Variants in ARHGAP39 observed in about 807,000 individuals in gnomAD.
ARHGAP39 encodes Rho GTPase activating protein 39.
In ARHGAP39, 44 loss-of-function variants were observed where a neutral mutation model predicts 106.9. The ratio of observed to expected loss-of-function variants is 0.41; its 90% CI spans 0.32 to 0.53. ARHGAP39 has a LOEUF of 0.53. Among genes scored for constraint, ARHGAP39 ranks in the 20% least tolerant of loss-of-function variants. ARHGAP39 has a pLI of 0.21. For missense variants in ARHGAP39, 1,496 were observed against 1,577.3 expected, an observed-to-expected ratio of 0.95 and a Z score of 0.87; for synonymous variants, 768 against 693.2, an observed-to-expected ratio of 1.11 and a Z score of -1.69.
rs559374796 is a variant in ARHGAP39, at chr8:144,543,547, C to T, written c.2521+1702G>A. On this transcript the variant is annotated intron_variant, in intron 6 of 11. Coordinates refer to ENST00000377307, the MANE Select transcript of ARHGAP39 (RefSeq NM_025251.3). ...CTGCCAGTGGGACTGCACAGAGCCC[C>T]AGCCCCGCTGTCACTCCAACCCAGA... 2.6e-5 allele frequency among the ~76,000 whole-genome samples: 4 copies of T among 152,356 alleles called. No individual in the cohort carries two copies. The South Asian group carries it at 6.2e-4, about 24-fold the overall frequency.
intron 1 of ARHGAP39, among the ~76,000 whole-genome samples, chr8:144,650,513 A>G (rs1226443394): frequency 6.6e-6 from 1 of 152,172 alleles, no homozygotes; most frequent in Non-Finnish European, 1.5e-5. Flanking sequence ...TCAAAAAAAT[A>G]CTTGCAAACT....
At chr8:144,673,019 C>A (rs1822138422) in intron 1 of ARHGAP39, among the ~76,000 whole-genome samples, 1 of 152,036 alleles carries the variant, frequency 6.6e-6, no homozygotes, top group Non-Finnish European at 1.5e-5. Flanking sequence ...GAGTTCAAAA[C>A]CAGTCTGGGT....
intron 3 of ARHGAP39, among the ~76,000 whole-genome samples, chr8:144,580,490 A>C (rs1461631627): frequency 1.3e-5 from 2 of 152,198 alleles, no homozygotes; most frequent in African/African-American, 4.8e-5. Flanking sequence ...GAAAGTGCTC[A>C]CTGGGGACAG....
chr8:144,660,409 TG>T (rs1443934866), intron 1 of ARHGAP39, among the ~76,000 whole-genome samples: 2 of 152,212 alleles, frequency 1.3e-5, no homozygotes, highest in Admixed American at 1.3e-4. Flanking sequence ...ACTTTCATCG[TG>T]ATAAGCATTC....
In ARHGAP39 at chr8:144,673,131, C is replaced by T. The variant is rs142011162; in HGVS notation, c.-82+12555G>A. On this transcript the variant is annotated intron_variant, in intron 1 of 11. Coordinates refer to ENST00000377307, the MANE Select transcript of ARHGAP39 (RefSeq NM_025251.3). ...ACTTGGGAGGCTGAGGCAGGAGGAT[C>T]GCTTGAGCCCAGGAGGTCAAAGATA... Among the ~76,000 whole-genome samples, 1,394 of 152,066 alleles carry T rather than the reference C, an allele frequency of 9.2e-3. 14 individuals carry two copies. Among genetic ancestry groups the T allele is most frequent in the South Asian group, 0.031 (150 of 4,818 alleles).
chr8:144,562,083 C>G (rs1818198676), intron 3 of ARHGAP39, among the ~76,000 whole-genome samples: 1 of 149,292 alleles, frequency 6.7e-6, no homozygotes, highest in Non-Finnish European at 1.5e-5. Context: ...CCAGTGGTTT[C>G]CATCGGACTT....
At chr8:144,668,761 C>T (rs1031347590) in intron 1 of ARHGAP39, among the ~76,000 whole-genome samples, 3 of 151,946 alleles carry the variant, frequency 2.0e-5, no homozygotes, top group Non-Finnish European at 4.4e-5. Flanking sequence ...TTAATAGATC[C>T]TTATCAAAGT....
rs562353196 is a variant in ARHGAP39, at chr8:144,665,917, T to C, written c.-82+19769A>G. 9.3e-4 allele frequency among the ~76,000 whole-genome samples: 141 copies of C among 152,278 alleles called. 1 individual carries two copies. Among genetic ancestry groups the C allele is most frequent in the African/African-American group, 3.3e-3 (139 of 41,546 alleles). On this transcript the variant is annotated intron_variant, in intron 1 of 11. Transcript: ENST00000377307. Reference sequence around the variant, plus strand: ...CACCATCCTCCTGACCCCAGAATGGTAGATCCACCAACAGCTTGCACCGTG... The same window carrying C: ...CACCATCCTCCTGACCCCAGAATGGCAGATCCACCAACAGCTTGCACCGTG...
intron 1 of ARHGAP39, among the ~76,000 whole-genome samples, chr8:144,627,189 G>A (rs1820940506): frequency 6.6e-6 from 1 of 152,188 alleles, no homozygotes; most frequent in Admixed American, 6.5e-5. Flanking sequence ...GGGACAGGCG[G>A]GGGACACAGG....
chr8:144,589,437 C>T (rs1318221550), intron 2 of ARHGAP39, among the ~76,000 whole-genome samples: 3 of 152,194 alleles, frequency 2.0e-5, no homozygotes, highest in Non-Finnish European at 4.4e-5. Context: ...CGGGAAGCCC[C>T]TCCTGGGAGG....
rs1434375694 is a variant in ARHGAP39 at position 144,548,586 on chromosome 8, C to A, written c.597-97G>T. The A allele has an allele frequency of 6.9e-6, 10 of 1,459,024 alleles. No individual in the cohort carries two copies. The highest frequency in any genetic ancestry group is 8.2e-6 in the Non-Finnish European group (9 of 1,098,618). The allele number at this position is 1,459,024 out of a possible 1,614,324, so 90.4% of individuals were successfully genotyped here. A position where few individuals can be genotyped will look rare whatever the true frequency, so the allele number is the denominator to read the frequency against. On this transcript the variant is annotated intron_variant, in intron 4 of 11. Transcript: ENST00000377307. This position sits in a 1 kb window ranked among gnomAD's most constrained non-coding sequence, Gnocchi z 7.4. ...GCTGTAGGCAGCGGCTCCCGCGAAC[C>A]CTCTGTTGTACACCTTCCTCGCTGG...
intron 1 of ARHGAP39, among the ~76,000 whole-genome samples, chr8:144,630,710 G>A (rs1199511500): frequency 2.0e-5 from 3 of 152,250 alleles, no homozygotes; most frequent in Admixed American, 6.5e-5. Context: ...GGGTGATCAC[G>A]TCCTGAGGGC....
At chr8:144,673,942 C>T (rs1394144379) in intron 1 of ARHGAP39, among the ~76,000 whole-genome samples, 5 of 152,210 alleles carry the variant, frequency 3.3e-5, no homozygotes, top group African/African-American at 9.7e-5. Context: ...CTGCATGTGG[C>T]TTCCACTGTG....
At chr8:144,569,003 C>G (rs1586561946) in intron 3 of ARHGAP39, among the ~76,000 whole-genome samples, 2 of 152,132 alleles carry the variant, frequency 1.3e-5, no homozygotes, top group Admixed American at 1.3e-4. Flanking sequence ...CTAATCCCCC[C>G]ATAAACAGGC....
rs1440460358 is a variant in ARHGAP39 at position 144,581,171 on chromosome 8, G to A, written c.187C>T (p.Arg63Cys). 5 of 1,568,958 alleles carry A rather than the reference G, an allele frequency of 3.2e-6. No individual in the cohort carries two copies. The highest frequency in any genetic ancestry group is 2.3e-5 in the East Asian group (1 of 42,788). ...TCCCACCACTGGTTCTCGCTGGTGC[G>A]CTTGATGCGGACGCCGGCCGGCGGG... ...WDPPAGVRIKRTSENQWWELF... is the reference protein window; with the variant it reads ...WDPPAGVRIKCTSENQWWELF... The change falls in exon 3 of 12, where the codon CGC becomes TGC. Residue 63 changes from arginine to cysteine, a missense_variant. Physicochemically the swap from Arg to Cys is radical, Grantham distance 180. Around this residue, in one of 4 missense-constraint regions of ARHGAP39, gnomAD observed 96 missense variants for 107.9 expected, o/e 0.89. Transcript: ENST00000377307.
intron 2 of ARHGAP39, among the ~76,000 whole-genome samples, chr8:144,593,242 C>T (rs1276225499): frequency 6.6e-6 from 1 of 152,068 alleles, no homozygotes; most frequent in African/African-American, 2.4e-5. Flanking sequence ...CACGTGCATG[C>T]CAGACAATTT....
At chr8:144,570,934 A>G (rs1818565427) in intron 3 of ARHGAP39, among the ~76,000 whole-genome samples, 1 of 152,226 alleles carries the variant, frequency 6.6e-6, no homozygotes, top group Non-Finnish European at 1.5e-5. Context: ...TAAACCAGGA[A>G]TAAGTTGAAT....
chr8:144,676,767 C>T (rs891133415), intron 1 of ARHGAP39, among the ~76,000 whole-genome samples: 5 of 152,348 alleles, frequency 3.3e-5, no homozygotes, highest in South Asian at 4.1e-4. Flanking sequence ...CACCTCTCTG[C>T]GAGCAGAGGG....
intron 1 of ARHGAP39, among the ~76,000 whole-genome samples, chr8:144,638,851 T>C (rs1821240493): frequency 6.6e-6 from 1 of 152,238 alleles, no homozygotes; most frequent in Admixed American, 6.5e-5. Context: ...CTCACCCATC[T>C]GCTTCCCAGC....
Sources: allele counts gnomAD v4.1 joint callset (sites outside exome capture counted in the v4.1 genomes callset), GRCh38; gene constraint gnomAD v4.1.1; regional missense constraint gnomAD v4.1.1; non-coding constraint Gnocchi (gnomAD v3.1); transcripts MANE v1.5; gene names NCBI Gene and HGNC (gene_info 2026-07-23, HGNC 2026-07-21).